PDE4D: variants seen among roughly 807,000 people sequenced by gnomAD.
PDE4D encodes the protein phosphodiesterase 4D, also known as 3',5'-cyclic-AMP phosphodiesterase 4D.
In PDE4D, 24 loss-of-function variants were observed where a neutral mutation model predicts 87.4. The observed-to-expected ratio is 0.27, with a 90% CI of 0.20 to 0.39. The LOEUF is 0.39. Among genes scored for constraint, PDE4D ranks in the 10% least tolerant of loss-of-function variants. The pLI, the probability that PDE4D is intolerant of heterozygous loss-of-function variation, is 1.00. For missense variants in PDE4D, 714 were observed against 1,041.0 expected (o/e 0.69, Z 4.32); for synonymous variants, 384 against 383.2 (o/e 1.00, Z -0.02).
intron 5 of PDE4D, among the ~76,000 whole-genome samples, chr5:59,050,346 A>G (rs1761353416): frequency 6.6e-6 from 1 of 152,222 alleles, no homozygotes; most frequent in Admixed American, 6.5e-5. Context: ...GGCTATGAAC[A>G]GAGTCTCAGA....
intron 11 of PDE4D, among the ~76,000 whole-genome samples, chr5:58,979,742 A>G (rs966430516): frequency 1.5e-4 from 23 of 152,136 alleles, no homozygotes; most frequent in South Asian, 4.1e-4. Flanking sequence ...ACCAGATGAA[A>G]CTGCCCACTT....
At position 59,573,441 on chromosome 5, in the gene PDE4D, C is replaced by T. The variant is rs1483782943; in HGVS notation, c.455+319727G>A. 3.9e-5 allele frequency among the ~76,000 whole-genome samples: 6 copies of T among 152,126 alleles called. No individual in the cohort carries two copies. In the East Asian group the frequency reaches 1.2e-3, roughly 30 times the overall value. ...CAACTCCCTGTACCCTCCCCAATACCCCTCACCCACCGAACCACTGTCAGT... is the reference window on the plus strand; with the variant it reads ...CAACTCCCTGTACCCTCCCCAATACTCCTCACCCACCGAACCACTGTCAGT... On this transcript the variant is annotated intron_variant, in intron 1 of 14. Transcript: ENST00000340635.
intron 1 of PDE4D, among the ~76,000 whole-genome samples, chr5:60,343,998 A>C (rs1024534078): frequency 2.0e-5 from 3 of 149,916 alleles, no homozygotes; most frequent in African/African-American, 7.4e-5. Flanking sequence ...ATTATCATCC[A>C]CATTTTCCAA....
At chr5:59,112,205 G>C (rs757570840) in intron 5 of PDE4D, among the ~76,000 whole-genome samples, 1 of 152,120 alleles carries the variant, frequency 6.6e-6, no homozygotes, top group East Asian at 1.9e-4. Flanking sequence ...TCTTAAAATG[G>C]AAGTGTGACT....
intron 1 of PDE4D, among the ~76,000 whole-genome samples, chr5:59,840,190 C>T (rs1447758966): frequency 6.6e-6 from 1 of 151,506 alleles, no homozygotes; most frequent in Admixed American, 6.6e-5. Context: ...GAGAAACCTC[C>T]CTGATCATCT....
At chr5:60,384,335 G>C (rs1361318890) in intron 1 of PDE4D, among the ~76,000 whole-genome samples, 10 of 152,140 alleles carry the variant, frequency 6.6e-5, no homozygotes, top group Admixed American at 6.5e-4. Context: ...AGCAATCCCT[G>C]TCCTAGGCAA....
At chr5:59,493,967 G>C (rs529088498) in intron 1 of PDE4D, among the ~76,000 whole-genome samples, 11 of 152,160 alleles carry the variant, frequency 7.2e-5, no homozygotes, top group Non-Finnish European at 1.2e-4. Context: ...AATAAGGATT[G>C]CTTCAAAAAA....
chr5:59,373,701 A>G (rs1424709596), intron 1 of PDE4D, among the ~76,000 whole-genome samples: 1 of 152,186 alleles, frequency 6.6e-6, no homozygotes. Flanking sequence ...AAGGTACTTC[A>G]CAAGAAGGTC....
chr5:59,667,022 G>A (rs1219560006), intron 1 of PDE4D, among the ~76,000 whole-genome samples: 2 of 152,166 alleles, frequency 1.3e-5, no homozygotes, highest in Non-Finnish European at 2.9e-5. Flanking sequence ...GTCAGTCTGG[G>A]TCAAGTGACA....
At chr5:59,337,555 C>T (rs2153580190) in intron 1 of PDE4D, among the ~76,000 whole-genome samples, 1 of 152,208 alleles carries the variant, frequency 6.6e-6, no homozygotes, top group African/African-American at 2.4e-5. Flanking sequence ...GGGCACTGTA[C>T]ATGATTATCT....
chr5:60,080,503 C>A (rs1355418424), intron 2 of PDE4D, among the ~76,000 whole-genome samples: 1 of 152,106 alleles, frequency 6.6e-6, no homozygotes, highest in Non-Finnish European at 1.5e-5. Flanking sequence ...TTCAATATGA[C>A]ATTGGCTGTG....
In PDE4D at chr5:58,970,460, GTA is replaced by G. The variant is rs1742420314; in HGVS notation, c.*4202_*4203del. 1 of 152,150 alleles carries G rather than the reference GTA, an allele frequency of 6.6e-6. No homozygotes were observed. Among genetic ancestry groups the G allele is most frequent in the African/African-American group, 2.4e-5 (1 of 41,444 alleles). 9.4% of individuals were successfully genotyped at this position (152,150 alleles called of 1,614,324 possible). On this transcript the variant is annotated 3_prime_UTR_variant, in exon 15 of 15. Transcript: ENST00000340635. ...GCCACATGATTCAAGGGCTGGGCAA[GTA>G]CTGGGAGGATGTTTCCATATAATCC...
chr5:59,761,055 A>AC (rs1761902419), intron 1 of PDE4D, among the ~76,000 whole-genome samples: 1 of 152,216 alleles, frequency 6.6e-6, no homozygotes, highest in African/African-American at 2.4e-5. Context: ...CCTAGATGGT[A>AC]TAGCCTATTG....
At position 59,075,497 on chromosome 5, in the gene PDE4D, T is replaced by C. The variant is rs561015595; in HGVS notation, c.809-36526A>G. Among the ~76,000 whole-genome samples, 18 of 140,410 alleles carry C rather than the reference T, an allele frequency of 1.3e-4. No homozygotes were observed. In the South Asian group the frequency reaches 3.9e-3, roughly 31 times the overall value. The allele number at this position is 140,410 out of a possible 152,430, so 92.1% of individuals were successfully genotyped here. On this transcript the variant is annotated intron_variant, in intron 5 of 14. Transcript: ENST00000340635. ...TTCAAATCATTGGTATGCACATTTG[T>C]TGCAAAAAAAAACCTCATTCTGGAA...
chr5:60,172,265 T>TACACAC (rs58938460), intron 2 of PDE4D, among the ~76,000 whole-genome samples: 7,115 of 140,932 alleles, frequency 0.05, 212 homozygotes, highest in Middle Eastern at 0.067. Context: ...AGTACTTCAA[T>TACACAC]ACACACACAC....
intron 1 of PDE4D, among the ~76,000 whole-genome samples, chr5:60,204,394 C>T (rs1742272888): frequency 6.6e-6 from 1 of 152,138 alleles, no homozygotes; most frequent in Admixed American, 6.5e-5. Flanking sequence ...CTGGAATAAT[C>T]CTATTTCCAA....
chr5:60,167,250 T>C (rs1477035937), intron 2 of PDE4D, among the ~76,000 whole-genome samples: 1 of 150,582 alleles, frequency 6.6e-6, no homozygotes, highest in Non-Finnish European at 1.5e-5. Flanking sequence ...TTTCCTCTCC[T>C]TGAACTGTGT....
intron 1 of PDE4D, among the ~76,000 whole-genome samples, chr5:59,576,937 A>G (rs1385426042): frequency 6.6e-6 from 1 of 152,180 alleles, no homozygotes; most frequent in Admixed American, 6.6e-5. Flanking sequence ...ACTGATCTCA[A>G]TACCACTACG....
At chr5:60,386,176 T>A (rs762491007) in intron 1 of PDE4D, among the ~76,000 whole-genome samples, 91 of 152,218 alleles carry the variant, frequency 6.0e-4, no homozygotes, top group Admixed American at 1.2e-3. Context: ...TGGAAAAAAA[T>A]ATATAGTAAT....
Sources: allele counts gnomAD v4.1 joint callset (sites outside exome capture counted in the v4.1 genomes callset), GRCh38; gene constraint gnomAD v4.1.1; transcripts MANE v1.5; gene names NCBI Gene and HGNC (gene_info 2026-07-23, HGNC 2026-07-21).